Variants in PTPRM observed in about 807,000 individuals in gnomAD.
The protein encoded by PTPRM is protein tyrosine phosphatase receptor type M, also known as receptor-type tyrosine-protein phosphatase mu.
A neutral mutation model predicts 186.7 loss-of-function variants in PTPRM; 47 were observed. That is an observed-to-expected ratio of 0.25 (90% CI 0.20 to 0.32). The LOEUF (loss-of-function observed/expected upper bound fraction) is 0.32. Among genes scored for constraint, PTPRM ranks in the 10% least tolerant of loss-of-function variants. The probability of loss-of-function intolerance (pLI) is 1.00; values close to 1 mark genes in which losing one functional copy is unlikely to be tolerated. For missense variants in PTPRM, 1,494 were observed against 1,865.0 expected, an observed-to-expected ratio of 0.80 and a Z score of 3.66; for synonymous variants, 668 against 674.9, an observed-to-expected ratio of 0.99 and a Z score of 0.16.
chr18:8,304,587 A>G (rs2095199281), intron 20 of PTPRM, among the ~76,000 whole-genome samples: 1 of 152,198 alleles, frequency 6.6e-6, no homozygotes, highest in Admixed American at 6.6e-5. Flanking sequence ...ATGGGGTAAC[A>G]TTGAGTTGTG....
At chr18:8,063,052 C>G (rs1245617721) in intron 7 of PTPRM, among the ~76,000 whole-genome samples, 1 of 151,144 alleles carries the variant, frequency 6.6e-6, no homozygotes, top group South Asian at 2.1e-4. Context: ...CGCCCCTCCC[C>G]CAGCCTCGCT....
chr18:7,567,899 G>T lies in PTPRM; in HGVS notation c.73+8G>T. ...CGGGCGAGACGTTCTCAGGTAAGCG[G>T]GACCGCCTCTGCCGCCCCCGAGGCG... On this transcript the variant is annotated splice_region_variant and intron_variant, in intron 1 of 32. Transcript: ENST00000580170. The surrounding 1 kb of genome is among the most constrained non-coding windows in gnomAD (Gnocchi z 4.3). 1 of 1,546,918 alleles carries T rather than the reference G, an allele frequency of 6.5e-7. No homozygotes were observed. Among genetic ancestry groups the T allele is most frequent in the Non-Finnish European group, 8.7e-7 (1 of 1,154,108 alleles).
chr18:7,637,180 A>C (rs1188912966), intron 1 of PTPRM, among the ~76,000 whole-genome samples: 10 of 152,010 alleles, frequency 6.6e-5, no homozygotes, highest in East Asian at 3.9e-4. Flanking sequence ...AAAAAAAAAA[A>C]AAAAAACAGT....
At chr18:8,223,466 T>C (rs1873848728) in intron 14 of PTPRM, among the ~76,000 whole-genome samples, 1 of 152,230 alleles carries the variant, frequency 6.6e-6, no homozygotes, top group Admixed American at 6.5e-5. Flanking sequence ...GAACTACTTA[T>C]TTTTAAAGGA....
At chr18:7,841,365 T>C (rs1446675489) in intron 2 of PTPRM, among the ~76,000 whole-genome samples, 3 of 148,648 alleles carry the variant, frequency 2.0e-5, no homozygotes, top group African/African-American at 7.6e-5. Context: ...GATCTCAGCT[T>C]ACTGCAAGCT....
chr18:8,137,512 TCCTTC>T (rs1214725424), intron 13 of PTPRM, among the ~76,000 whole-genome samples: 1 of 152,184 alleles, frequency 6.6e-6, no homozygotes, highest in Non-Finnish European at 1.5e-5. Flanking sequence ...CTCCCCAACT[TCCTTC>T]CCTTCCCTTC....
At chr18:8,184,021 C>G (rs190367912) in intron 14 of PTPRM, among the ~76,000 whole-genome samples, 464 of 152,282 alleles carry the variant, frequency 3.0e-3, no homozygotes, top group African/African-American at 0.011. Context: ...CTGGAATGAC[C>G]AGGCAACCAC....
At chr18:8,112,301 G>T (rs1384619958) in intron 11 of PTPRM, among the ~76,000 whole-genome samples, 1 of 152,338 alleles carries the variant, frequency 6.6e-6, no homozygotes, top group Non-Finnish European at 1.5e-5. Context: ...CTAAGTGGTT[G>T]TGCCCACAGA....
At chr18:7,705,489 T>G (rs1238494288) in intron 1 of PTPRM, among the ~76,000 whole-genome samples, 2 of 152,078 alleles carry the variant, frequency 1.3e-5, no homozygotes, top group Admixed American at 6.6e-5. Flanking sequence ...TTTTATTATT[T>G]TTCTAAAGTT....
intron 3 of PTPRM, among the ~76,000 whole-genome samples, chr18:7,893,654 A>G (rs1217963384): frequency 6.6e-6 from 1 of 152,230 alleles, no homozygotes; most frequent in Non-Finnish European, 1.5e-5. Context: ...TCCAGCAAGC[A>G]TCGGCCTTGG....
chr18:8,224,698 T>C (rs1280889465), intron 14 of PTPRM, among the ~76,000 whole-genome samples: 1 of 152,230 alleles, frequency 6.6e-6, no homozygotes, highest in Non-Finnish European at 1.5e-5. Flanking sequence ...TTATTTGTTA[T>C]GTGGCATAAT....
intron 1 of PTPRM, among the ~76,000 whole-genome samples, chr18:7,677,502 GACC>G (rs374546364): frequency 1.2e-4 from 18 of 152,120 alleles, no homozygotes; most frequent in African/African-American, 4.3e-4. Context: ...GAGTTGATGA[GACC>G]ACCTTCCTTA....
At chr18:7,842,908 A>ATGTGTG (rs1491416761) in intron 2 of PTPRM, among the ~76,000 whole-genome samples, 5 of 100,648 alleles carry the variant, frequency 5.0e-5, no homozygotes, top group African/African-American at 2.8e-4. Context: ...TATGTTTCTC[A>ATGTGTG]TATGTGTGTG....
intron 23 of PTPRM, among the ~76,000 whole-genome samples, chr18:8,362,205 G>T (rs146327454): frequency 6.6e-6 from 1 of 152,124 alleles, no homozygotes; most frequent in African/African-American, 2.4e-5. Context: ...TGCCATATCC[G>T]ACCTACTCAC....
chr18:7,819,274 A>G (rs904803706), intron 2 of PTPRM, among the ~76,000 whole-genome samples: 2 of 86,752 alleles, frequency 2.3e-5, no homozygotes, highest in East Asian at 5.4e-4. Context: ...CTGGCCTGCC[A>G]TGCCCCCTTC....
intron 7 of PTPRM, among the ~76,000 whole-genome samples, chr18:7,962,114 A>T (rs1265499923): frequency 6.6e-6 from 1 of 152,094 alleles, no homozygotes; most frequent in African/African-American, 2.4e-5. Context: ...CCCATTTGTG[A>T]TATGCAGTTT....
In PTPRM at chr18:8,394,461, T is replaced by C. The variant is rs774081803; in HGVS notation, c.4209-15T>C. ...AGACAGACCGAGTGCAGTCATCTGATCTTTTTCACGACAGGAACGGGGGAG... is the reference window on the plus strand; with the variant it reads ...AGACAGACCGAGTGCAGTCATCTGACCTTTTTCACGACAGGAACGGGGGAG... On this transcript the variant is annotated splice_polypyrimidine_tract_variant and intron_variant, in intron 31 of 32. Transcript: ENST00000580170. 2.7e-5 allele frequency: 44 copies of C among 1,603,142 alleles called. No homozygotes were observed. In the South Asian group the frequency reaches 4.4e-4, roughly 16 times the overall value.
intron 2 of PTPRM, among the ~76,000 whole-genome samples, chr18:7,840,744 G>C (rs764502122): frequency 4.6e-5 from 7 of 152,230 alleles, no homozygotes; most frequent in Non-Finnish European, 8.8e-5. Flanking sequence ...AAAGCCATTG[G>C]AAACATATGG....
chr18:8,387,684 A>G (rs1017078006), intron 31 of PTPRM, among the ~76,000 whole-genome samples: 1 of 152,166 alleles, frequency 6.6e-6, no homozygotes, highest in Non-Finnish European at 1.5e-5. Flanking sequence ...GTTTACCACC[A>G]CATTACTTGA....
Sources: allele counts gnomAD v4.1 joint callset (sites outside exome capture counted in the v4.1 genomes callset), GRCh38; gene constraint gnomAD v4.1.1; non-coding constraint Gnocchi (gnomAD v3.1); transcripts MANE v1.5; gene names NCBI Gene and HGNC (gene_info 2026-07-23, HGNC 2026-07-21).